Variants in ADAM23 observed in about 807,000 individuals in gnomAD.
ADAM23 encodes ADAM metallopeptidase domain 23, also known as disintegrin and metalloproteinase domain-containing protein 23.
Under a neutral mutation model 120.1 loss-of-function variants are expected in ADAM23, and 33 were observed. The observed-to-expected ratio is 0.27, with a 90% CI of 0.21 to 0.37. The LOEUF is 0.37. ADAM23 is among the 10% of genes least tolerant of loss of function. The pLI is 1.00. For synonymous variants in ADAM23, 367 were observed against 375.2 expected (o/e 0.98, Z 0.25); for missense variants, 862 against 1,058.2 (o/e 0.81, Z 2.57).
At chr2:206,506,809 T>C (rs891197111) in intron 3 of ADAM23, among the ~76,000 whole-genome samples, 1 of 152,220 alleles carries the variant, frequency 6.6e-6, no homozygotes, top group African/African-American at 2.4e-5. Context: ...TAAGCAGGTG[T>C]GTAGTCATGT....
intron 25 of ADAM23, among the ~76,000 whole-genome samples, chr2:206,614,184 A>G (rs1027296588): frequency 6.6e-6 from 1 of 152,228 alleles, no homozygotes; most frequent in African/African-American, 2.4e-5. Context: ...AAGTCTGTGT[A>G]ATTATCATAC....
rs549071760 is a variant in ADAM23 at position 206,559,739 on chromosome 2, C to T, written c.1006-216C>T. On this transcript the variant is annotated intron_variant, in intron 10 of 25. Coordinates refer to ENST00000264377, the MANE Select transcript of ADAM23 (RefSeq NM_003812.4). Reference sequence around the variant, plus strand: ...ATGTATTGCTCTGGGATCGAAATAACCCTATAGGAGAGTTGAAACCAAATT... The same window carrying T: ...ATGTATTGCTCTGGGATCGAAATAATCCTATAGGAGAGTTGAAACCAAATT... 2.0e-5 allele frequency among the ~76,000 whole-genome samples: 3 copies of T among 152,172 alleles called. No individual in the cohort carries two copies. In the East Asian group the frequency reaches 5.8e-4, roughly 29 times the overall value.
chr2:206,494,388 G>C (rs1023015188), intron 3 of ADAM23, among the ~76,000 whole-genome samples: 3 of 152,110 alleles, frequency 2.0e-5, no homozygotes, highest in African/African-American at 7.2e-5. Context: ...CAGTGGTAAA[G>C]GGTTTCTTTA....
intron 2 of ADAM23, among the ~76,000 whole-genome samples, chr2:206,458,388 C>T (rs537999268): frequency 3.3e-5 from 5 of 152,160 alleles, no homozygotes; most frequent in Middle Eastern, 3.4e-3. Flanking sequence ...ACAGTTGTGG[C>T]GAGGGGTGAT....
intron 6 of ADAM23, 120 bp from the exon 7 acceptor site, chr2:206,547,308 TA>T: frequency 1.4e-6 from 1 of 705,776 alleles, no homozygotes; most frequent in Non-Finnish European, 2.3e-6. Context: ...TTTTGATAGC[TA>T]AAAAACTGAC....
At chr2:206,587,298 A>G (rs1698341478) in intron 18 of ADAM23, 27 bp from the exon 19 acceptor site, 1 of 1,568,650 alleles carries the variant, frequency 6.4e-7, no homozygotes, top group African/African-American at 1.4e-5. Context: ...CATGCTGAAT[A>G]TTAACTAAAA....
chr2:206,511,884 A>G (rs1183897453), intron 3 of ADAM23, among the ~76,000 whole-genome samples: 2 of 152,192 alleles, frequency 1.3e-5, no homozygotes, highest in African/African-American at 4.8e-5. Context: ...ATAGTCTAAG[A>G]CAGAAAATGA....
rs934928091 is a variant in ADAM23 at position 206,617,959 on chromosome 2, A to T, written c.*332A>T. The T allele has an allele frequency of 1.1e-4, 25 of 229,302 alleles. No individual in the cohort carries two copies. Among genetic ancestry groups the T allele is most frequent in the Non-Finnish European group, 1.7e-4 (20 of 119,800 alleles). 14.2% of individuals were successfully genotyped at this position (229,302 alleles called of 1,614,324 possible). ...AATGCAATAAAGGAATCATTAAAAA[A>T]AATAGTAAATGATTTTTTTTCCCTC... On this transcript the variant is annotated 3_prime_UTR_variant, in exon 26 of 26. Coordinates refer to ENST00000264377, the MANE Select transcript of ADAM23 (RefSeq NM_003812.4).
chr2:206,508,077 T>C (rs533287337), intron 3 of ADAM23, among the ~76,000 whole-genome samples: 4 of 152,168 alleles, frequency 2.6e-5, no homozygotes, highest in African/African-American at 9.6e-5. Flanking sequence ...TTTCCCAGGC[T>C]GGAGTGCAGT....
In ADAM23 at chr2:206,483,029, G is replaced by A. The variant is rs565698642; in HGVS notation, c.509+1721G>A. ...AAGCCTAGGGACAGCTCAGCTCATG[G>A]AAGTTCTGGTATTTCACGTGTCAGT... On this transcript the variant is annotated intron_variant, in intron 3 of 25. Transcript: ENST00000264377. Among the ~76,000 whole-genome samples, 11 of 152,292 alleles carry A rather than the reference G, an allele frequency of 7.2e-5. No homozygotes were observed. In the East Asian group the frequency reaches 1.9e-3, roughly 27 times the overall value.
chr2:206,615,777 A>G (rs1288732402), intron 25 of ADAM23, among the ~76,000 whole-genome samples: 2 of 152,142 alleles, frequency 1.3e-5, no homozygotes, highest in African/African-American at 4.8e-5. Context: ...AGCTTCAAAA[A>G]CCAGCTTTTA....
chr2:206,493,351 A>C (rs1252886233), intron 3 of ADAM23, among the ~76,000 whole-genome samples: 2 of 152,188 alleles, frequency 1.3e-5, no homozygotes, highest in Non-Finnish European at 2.9e-5. Flanking sequence ...GTTTAAAAAC[A>C]AAATAATCTA....
intron 25 of ADAM23, among the ~76,000 whole-genome samples, chr2:206,611,342 G>T (rs950272662): frequency 1.3e-5 from 2 of 151,954 alleles, no homozygotes; most frequent in Admixed American, 6.6e-5. Context: ...TATTGTTTTG[G>T]TATTAATAAA....
rs372131999 is a variant in ADAM23 at position 206,550,194 on chromosome 2, A to G, written c.933+34A>G. Reference sequence around the variant, plus strand: ...ATAGAGTCAGTGGGTTTTAGAACAGATAGCTTACTTAAGAAAGAATACATT... The same window carrying G: ...ATAGAGTCAGTGGGTTTTAGAACAGGTAGCTTACTTAAGAAAGAATACATT... On this transcript the variant is annotated intron_variant, in intron 9 of 25. Transcript: ENST00000264377. The G allele has an allele frequency of 1.8e-4, 233 of 1,311,484 alleles. 3 individuals carry two copies. In the South Asian group the frequency reaches 3.2e-3, roughly 18 times the overall value. 81.2% of individuals were successfully genotyped at this position (1,311,484 alleles called of 1,614,324 possible).
chr2:206,486,050 C>G (rs1244662648), intron 3 of ADAM23, among the ~76,000 whole-genome samples: 1 of 152,098 alleles, frequency 6.6e-6, no homozygotes. Context: ...AACGAGGAGA[C>G]GAGATCAGAG....
chr2:206,597,132 C>T (rs538895067), intron 24 of ADAM23, among the ~76,000 whole-genome samples: 110 of 146,632 alleles, frequency 7.5e-4, no homozygotes, highest in African/African-American at 2.6e-3. Flanking sequence ...TCTCAAAGTT[C>T]TGGGATTATA....
chr2:206,588,972 T>G (rs1371039384), intron 20 of ADAM23, among the ~76,000 whole-genome samples: 1 of 152,224 alleles, frequency 6.6e-6, no homozygotes, highest in African/African-American at 2.4e-5. Context: ...ACATAAAATC[T>G]CAATAGGCTA....
chr2:206,542,888 G>T (rs1364453238), intron 5 of ADAM23, among the ~76,000 whole-genome samples: 1 of 152,126 alleles, frequency 6.6e-6, no homozygotes, highest in African/African-American at 2.4e-5. Context: ...TGCATAATTA[G>T]AAATTTGTAT....
intron 2 of ADAM23, among the ~76,000 whole-genome samples, chr2:206,471,751 A>T (rs949102867): frequency 2.0e-5 from 3 of 152,130 alleles, no homozygotes; most frequent in African/African-American, 7.2e-5. Flanking sequence ...TTGACGAGGA[A>T]AAAGAACAAG....
Sources: allele counts gnomAD v4.1 joint callset (sites outside exome capture counted in the v4.1 genomes callset), GRCh38; gene constraint gnomAD v4.1.1; transcripts MANE v1.5; gene names NCBI Gene and HGNC (gene_info 2026-07-23, HGNC 2026-07-21).